The following GPRASP2 variants were observed in gnomAD, a reference collection of about 807,000 sequenced individuals.
The protein encoded by GPRASP2 is G protein-coupled receptor associated sorting protein 2.
Under a neutral mutation model 36.0 loss-of-function variants are expected in GPRASP2, and 10 were observed. The ratio of observed to expected loss-of-function variants is 0.28; its 90% CI spans 0.17 to 0.47. The LOEUF is 0.47. Among genes scored for constraint, GPRASP2 ranks in the 20% least tolerant of loss-of-function variants. The pLI, the probability that GPRASP2 is intolerant of heterozygous loss-of-function variation, is 0.99. For synonymous variants in GPRASP2, 219 were observed against 230.5 expected (o/e 0.95, Z 0.45); for missense variants, 538 against 626.7 (o/e 0.86, Z 1.51).
chrX:102,717,413 GC>G lies in GPRASP2; in HGVS notation c.*29del. 9.6e-7 allele frequency: 1 copy of G among 1,040,615 alleles called. No homozygotes were observed. The highest frequency in any genetic ancestry group is 1.9e-5 in the African/African-American group (1 of 52,604). 85.8% of individuals were successfully genotyped at this position (1,040,615 alleles called of 1,213,427 possible). A position where few individuals can be genotyped will look rare whatever the true frequency, so the allele number is the denominator to read the frequency against. ...ATGATTAACCACCTGCCGCTGATCA[GC>G]CTTATGTTCCCAAAGAGCCCTGAGT... On this transcript the variant is annotated 3_prime_UTR_variant, in exon 5 of 5. Coordinates refer to ENST00000483720, the MANE Select transcript of GPRASP2 (RefSeq NM_001004051.4).
At position 102,716,454 on chromosome X, in the gene GPRASP2, A is replaced by G. The variant is rs1238614635; in HGVS notation, c.1585A>G (p.Lys529Glu). The change falls in exon 5 of 5, where the codon AAG (lysine) becomes GAG (glutamate). Residue 529 changes from lysine (K) to glutamate (E), a missense_variant. Physicochemically the swap from Lys to Glu is moderately conservative, Grantham distance 56. This residue lies in a region of GPRASP2 where 262 missense variants were observed against 351.7 expected (regional missense o/e 0.74). Transcript: ENST00000483720. ...EASEMLEAKP[K>E]NLELSPEGEE... ...TTCTGAAATGCTTGAGGCAAAGCCC[A>G]AGAACCTGGAACTTAGCCCAGAAGG... The G allele has an allele frequency of 1.6e-6, 2 of 1,212,185 alleles. No individual in the cohort carries two copies. The highest frequency in any genetic ancestry group is 5.9e-5 in the East Asian group (2 of 33,846).
chrX:102,713,585 G>A (rs1216499985), intron 2 of GPRASP2, among the ~76,000 whole-genome samples, 197 bp from the exon 3 acceptor site: 1 of 113,103 alleles, frequency 8.8e-6, no homozygotes, highest in Non-Finnish European at 1.9e-5. Context: ...GACGTCAAGA[G>A]AAGGAGTTGT....
At chrX:102,713,540 C>T (rs1208518646) in intron 2 of GPRASP2, among the ~76,000 whole-genome samples, 1 of 113,192 alleles carries the variant, frequency 8.8e-6, no homozygotes, top group African/African-American at 3.2e-5. Context: ...GTGGTGAATC[C>T]TCAGAATTGG....
intron 2 of GPRASP2, 26 bp downstream of exon 2, chrX:102,713,243 T>C (rs1305505364): frequency 2.7e-5 from 3 of 111,760 alleles, no homozygotes; most frequent in Non-Finnish European, 5.6e-5. Context: ...GGTTGGGCGC[T>C]AAACACTGAT....
In GPRASP2 at chrX:102,715,885, G is replaced by A; in HGVS notation, c.1016G>A (p.Trp339Ter). 1 of 1,212,060 alleles carries A rather than the reference G, an allele frequency of 8.3e-7. No homozygotes were observed. The highest frequency in any genetic ancestry group is 1.1e-6 in the Non-Finnish European group (1 of 895,595). Reference protein sequence around the residue: ...ESEDEFYKQSWVLPGEEANSR... With the variant: ...ESEDEFYKQS ...GAAGATGAGTTCTATAAGCAGTCCT[G>A]GGTTTTGCCTGGAGAAGAGGCCAAT... The change falls in exon 5 of 5, where the codon TGG (tryptophan) becomes TAG (stop). Residue 339 changes from tryptophan (W) to a stop codon, truncating the protein, a stop_gained. Coordinates refer to ENST00000483720, the MANE Select transcript of GPRASP2 (RefSeq NM_001004051.4). LOFTEE classifies it high-confidence loss of function.
chrX:102,715,133 G>A lies in GPRASP2; in HGVS notation c.264G>A (p.Thr88=), dbSNP rs147409319. ...VQVMGGARPK[T]EAQGITGARP... ...TAATGGGTGGTGCAAGACCCAAAAC[G>A]GAGGCTCAAGGAATCACAGGGGCCA... Residue 88 remains threonine (T), a synonymous_variant, in exon 5 of 5, where the codon ACG becomes ACA. Transcript: ENST00000483720. 5.8e-6 allele frequency: 7 copies of A among 1,211,455 alleles called. No homozygotes were observed. Among genetic ancestry groups the A allele is most frequent in the South Asian group, 3.5e-5 (2 of 56,956 alleles).
At position 102,717,278 on chromosome X, in the gene GPRASP2, C is replaced by T. The variant is rs751093767; in HGVS notation, c.2409C>T (p.Phe803=). The T allele has an allele frequency of 2.7e-6, 3 of 1,092,277 alleles. No homozygotes were observed. Among genetic ancestry groups the T allele is most frequent in the East Asian group, 3.1e-5 (1 of 31,869 alleles). 90.0% of individuals were successfully genotyped at this position (1,092,277 alleles called of 1,213,427 possible). A position where few individuals can be genotyped will look rare whatever the true frequency, so the allele number is the denominator to read the frequency against. The change falls in exon 5 of 5, where the codon TTC becomes TTT. Residue 803 remains phenylalanine (F), a synonymous_variant. Transcript: ENST00000483720. ...AGATGTCCTTAATTGATGATGATTT[C>T]AGTCTTGAGCCGCTTATTTCTGCAT... ...SGKMSLIDDD[F]SLEPLISAFR... is the part of the protein sequence containing the mutation.
chrX:102,717,462 G>GT lies in GPRASP2; in HGVS notation c.*83dup. 3 of 992,064 alleles carry GT rather than the reference G, an allele frequency of 3.0e-6. No individual in the cohort carries two copies. The highest frequency in any genetic ancestry group is 9.6e-5 in the South Asian group (2 of 20,842). The allele number at this position is 992,064 out of a possible 1,213,427, so 81.8% of individuals were successfully genotyped here. A position where few individuals can be genotyped will look rare whatever the true frequency, so the allele number is the denominator to read the frequency against. ...AGTAGTGCTTTGGTGTTCACAGTCT[G>GT]TTTTTTTGTTGTAACTTATATTTTT... On this transcript the variant is annotated 3_prime_UTR_variant, in exon 5 of 5. Coordinates refer to ENST00000483720, the MANE Select transcript of GPRASP2 (RefSeq NM_001004051.4).
At position 102,715,243 on chromosome X, in the gene GPRASP2, AGGCCCAGGCATG is replaced by A. The variant is rs61097741; in HGVS notation, c.382_393del (p.Ala128_Gln131del). Reference sequence around the variant, plus strand: ...ATCCCTGGAGCAAGGCCCAAGGATGAGGCCCAGGCATGGGCCCAGAGTGAATTTGGGACTGAA... The same window carrying A: ...ATCCCTGGAGCAAGGCCCAAGGATGAGGCCCAGAGTGAATTTGGGACTGAA... On this transcript the variant is annotated inframe_deletion, in exon 5 of 5. Coordinates refer to ENST00000483720, the MANE Select transcript of GPRASP2 (RefSeq NM_001004051.4). The A allele has an allele frequency of 1.4e-3, 1,673 of 1,211,879 alleles. 18 individuals carry two copies. The African/African-American group carries it at 0.026, about 19-fold the overall frequency.
chrX:102,714,930 G>C lies in GPRASP2; in HGVS notation c.61G>C (p.Glu21Gln). 1 of 1,212,581 alleles carries C rather than the reference G, an allele frequency of 8.2e-7. No homozygotes were observed. ...QAKPEKKAGE[E>Q]VIAGPEREND... Reference sequence around the variant, plus strand: ...CAAGCCTGAAAAGAAGGCTGGGGAAGAGGTTATCGCTGGGCCTGAGAGAGA... The same window carrying C: ...CAAGCCTGAAAAGAAGGCTGGGGAACAGGTTATCGCTGGGCCTGAGAGAGA... The change falls in exon 5 of 5, where the codon GAG becomes CAG. Residue 21 changes from glutamate to glutamine, a missense_variant. This residue lies in a region of GPRASP2 where 276 missense variants were observed against 275.0 expected (regional missense o/e 1.00). Coordinates refer to ENST00000483720, the MANE Select transcript of GPRASP2 (RefSeq NM_001004051.4).
intron 1 of GPRASP2, 187 bp from the exon 2 acceptor site, chrX:102,712,943 T>A (rs1421492091): frequency 1.8e-5 from 2 of 111,796 alleles, no homozygotes; most frequent in African/African-American, 6.5e-5. Flanking sequence ...GGGAAGGCCG[T>A]TGGGGGGCGC....
rs1472269363 is a variant in GPRASP2 at position 102,712,563 on chromosome X, G to A, written c.-568+11G>A. ...CCTGGGCCTCTGAAGGCAAGTGCGG[G>A]TGCATGAGGTGGGGGTCCGGGTTGC... is the stretch of plus-strand genomic sequence containing the variant. On this transcript the variant is annotated intron_variant, in intron 1 of 4. Transcript: ENST00000483720. 8.9e-6 allele frequency: 1 copy of A among 112,378 alleles called. No homozygotes were observed. Among genetic ancestry groups the A allele is most frequent in the Non-Finnish European group, 1.9e-5 (1 of 53,295 alleles). 9.3% of individuals were successfully genotyped at this position (112,378 alleles called of 1,213,427 possible). A position where few individuals can be genotyped will look rare whatever the true frequency, so the allele number is the denominator to read the frequency against.
Position 102,714,195 on chromosome X carries a change from C to T in GPRASP2, c.-405C>T, listed in dbSNP as rs780472647. On this transcript the variant is annotated 5_prime_UTR_variant, in exon 4 of 5. Coordinates refer to ENST00000483720, the MANE Select transcript of GPRASP2 (RefSeq NM_001004051.4). ...TATGTTCACTTGTCTGTAGGACCCCCTTCTGTCAGCTGTGGGGCTTGACAC... is the reference window on the plus strand; with the variant it reads ...TATGTTCACTTGTCTGTAGGACCCCTTTCTGTCAGCTGTGGGGCTTGACAC... The T allele has an allele frequency of 5.3e-5, 6 of 112,181 alleles. No homozygotes were observed. Among genetic ancestry groups the T allele is most frequent in the Admixed American group, 9.4e-5 (1 of 10,613 alleles). 9.2% of individuals were successfully genotyped at this position (112,181 alleles called of 1,213,427 possible).
chrX:102,716,333 C>T lies in GPRASP2; in HGVS notation c.1464C>T (p.Pro488=). Residue 488 remains proline (P), a synonymous_variant, in exon 5 of 5, where the codon CCC becomes CCT. Transcript: ENST00000483720. The stretch of plus-strand genomic sequence containing the variant: ...AGGAGCTTAATGCATCCTCCAGGCC[C>T]CAAACCTGGGACGAGGTCACTGTTG... ...AAEELNASSR[P]QTWDEVTVEF... is the part of the protein sequence containing the mutation. 1.7e-6 allele frequency: 2 copies of T among 1,211,909 alleles called. No individual in the cohort carries two copies. Among genetic ancestry groups the T allele is most frequent in the Admixed American group, 2.2e-5 (1 of 46,042 alleles).
rs1282744773 is a variant in GPRASP2, at chrX:102,715,301, A to T, written c.432A>T (p.Gly144=). 8.3e-7 allele frequency: 1 copy of T among 1,211,473 alleles called. No individual in the cohort carries two copies. Residue 144 remains glycine (G), a synonymous_variant, in exon 5 of 5, where the codon GGA becomes GGT. Transcript: ENST00000483720. ...CTGAAGCAGTGTCACAGGCAGAAGG[A>T]GTGTCCCAGACTAATGCCGTTGCTT... ...FGTEAVSQAE[G]VSQTNAVAWP... is the part of the protein sequence containing the mutation.
At position 102,717,591 on chromosome X, in the gene GPRASP2, G is replaced by A; in HGVS notation, c.*205G>A. 2 of 566,218 alleles carry A rather than the reference G, an allele frequency of 3.5e-6. No individual in the cohort carries two copies. Among genetic ancestry groups the A allele is most frequent in the Non-Finnish European group, 4.9e-6 (2 of 411,263 alleles). The allele number at this position is 566,218 out of a possible 1,213,427, so 46.7% of individuals were successfully genotyped here. On this transcript the variant is annotated 3_prime_UTR_variant, in exon 5 of 5. Transcript: ENST00000483720. ...AAACACATTTGTTGATATTTGTCTT[G>A]CTGTCCAGATTGCGGTATTTTTCAG...
chrX:102,714,634 G>A lies in GPRASP2; in HGVS notation c.-236G>A. 2 of 493,603 alleles carry A rather than the reference G, an allele frequency of 4.1e-6. No individual in the cohort carries two copies. Among genetic ancestry groups the A allele is most frequent in the Non-Finnish European group, 6.3e-6 (2 of 317,896 alleles). The allele number at this position is 493,603 out of a possible 1,213,427, so 40.7% of individuals were successfully genotyped here. On this transcript the variant is annotated 5_prime_UTR_variant, in exon 5 of 5. Coordinates refer to ENST00000483720, the MANE Select transcript of GPRASP2 (RefSeq NM_001004051.4). ...TCCAGGAAATATCTGTCTTCCTTTA[G>A]CTTGGTTGTACCTGTTCTCACTCTA...
chrX:102,717,246 A>G lies in GPRASP2; in HGVS notation c.2377A>G (p.Ser793Gly). The G allele has an allele frequency of 9.0e-7, 1 of 1,109,591 alleles. No individual in the cohort carries two copies. The highest frequency in any genetic ancestry group is 3.1e-5 in the Admixed American group (1 of 32,165). The allele number at this position is 1,109,591 out of a possible 1,213,427, so 91.4% of individuals were successfully genotyped here. ...TCAGAATATCAGTAACATTATAAAA[A>G]GTGGAAAGATGTCCTTAATTGATGA... ...MFQNISNIIK[S>G]GKMSLIDDDF... Residue 793 changes from serine (S) to glycine (G), a missense_variant, in exon 5 of 5, where the codon AGT becomes GGT. By Grantham distance (56) the Ser-to-Gly change is moderately conservative. This residue lies in a region of GPRASP2 where 262 missense variants were observed against 351.7 expected (regional missense o/e 0.74). Coordinates refer to ENST00000483720, the MANE Select transcript of GPRASP2 (RefSeq NM_001004051.4).
Position 102,715,563 on chromosome X carries a change from A to G in GPRASP2, c.694A>G (p.Thr232Ala), listed in dbSNP as rs1373551707. Residue 232 changes from threonine (T) to alanine (A), a missense_variant, in exon 5 of 5, where the codon ACA (threonine) becomes GCA (alanine). Transcript: ENST00000483720. ...SGFWSADETS[T>A]ASSFWTGEET... The stretch of plus-strand genomic sequence containing the variant: ...GTTCTGGTCAGCAGATGAGACCTCT[A>G]CAGCGTCTTCTTTCTGGACTGGAGA... 1.7e-6 allele frequency: 2 copies of G among 1,210,072 alleles called. No homozygotes were observed. The highest frequency in any genetic ancestry group is 2.2e-6 in the Non-Finnish European group (2 of 895,298).
Sources: allele counts gnomAD v4.1 joint callset (sites outside exome capture counted in the v4.1 genomes callset), GRCh38; gene constraint gnomAD v4.1.1; regional missense constraint gnomAD v4.1.1; transcripts MANE v1.5; gene names NCBI Gene and HGNC (gene_info 2026-07-23, HGNC 2026-07-21).